The following LRP1B variants were observed in gnomAD, a reference collection of about 807,000 sequenced individuals.
LRP1B encodes low-density lipoprotein receptor-related protein 1B.
LRP1B carries 217 observed loss-of-function variants against 556.6 expected under a neutral mutation model. The ratio of observed to expected loss-of-function variants is 0.39; its 90% confidence interval spans 0.35 to 0.44. LRP1B has a LOEUF of 0.44. Ranked by LOEUF, LRP1B falls within the 20% of genes least tolerant of loss-of-function variation. LRP1B has a pLI of 1.00. For missense variants in LRP1B, 5,053 were observed against 5,620.8 expected (o/e 0.90, Z 3.23); for synonymous variants, 2,047 against 1,865.8 (o/e 1.10, Z -2.50).
intron 7 of LRP1B, among the ~76,000 whole-genome samples, chr2:141,133,176 C>T (rs938819947): frequency 6.6e-5 from 10 of 151,778 alleles, no homozygotes; most frequent in African/African-American, 1.9e-4. Flanking sequence ...GCAAAAAGCT[C>T]GAGACAGAAA....
chr2:141,643,401 C>T (rs1689420406), intron 2 of LRP1B, among the ~76,000 whole-genome samples: 1 of 152,060 alleles, frequency 6.6e-6, no homozygotes, highest in Admixed American at 6.6e-5. Context: ...AGGGAATATA[C>T]ATATTTAAGA....
intron 60 of LRP1B, among the ~76,000 whole-genome samples, chr2:140,467,861 G>A (rs1376109248): frequency 6.6e-6 from 1 of 152,152 alleles, no homozygotes; most frequent in Non-Finnish European, 1.5e-5. Flanking sequence ...AATGCAAGGA[G>A]AGAAAGGAAT....
chr2:140,810,156 A>G lies in LRP1B; in HGVS notation c.5359+3501T>C, dbSNP rs998083689. Among the ~76,000 whole-genome samples, 8 of 152,250 alleles carry G rather than the reference A, an allele frequency of 5.3e-5. No homozygotes were observed. In the South Asian group the frequency reaches 8.3e-4, roughly 16 times the overall value. ...AAACTAAGAGTCTCGAGCGGTTCCA[A>G]TTTATAATCCTTGAGGTTTAAAAAC... On this transcript the variant is annotated intron_variant, in intron 32 of 90. Transcript: ENST00000389484.
chr2:141,180,351 A>T (rs991862297), intron 7 of LRP1B, among the ~76,000 whole-genome samples: 1 of 151,628 alleles, frequency 6.6e-6, no homozygotes, highest in Non-Finnish European at 1.5e-5. Context: ...ACTCCATAAA[A>T]AAAAAAACAA....
At position 140,515,497 on chromosome 2, in the gene LRP1B, A is replaced by C. The variant is rs369303000; in HGVS notation, c.8150-725T>G. On this transcript the variant is annotated intron_variant, in intron 50 of 90. Coordinates refer to ENST00000389484, the MANE Select transcript of LRP1B (RefSeq NM_018557.3). ...TTCTACCCAGTATATTTGTCACTAG[A>C]AAACCTTCAAAAGTAAAATCCTTCT... 1.2e-3 allele frequency among the ~76,000 whole-genome samples: 184 copies of C among 152,160 alleles called. 3 individuals carry two copies. Among genetic ancestry groups the C allele is most frequent in the African/African-American group, 4.3e-3 (179 of 41,560 alleles).
At chr2:141,828,252 TTAA>T (rs1329851599) in intron 1 of LRP1B, among the ~76,000 whole-genome samples, 1 of 152,154 alleles carries the variant, frequency 6.6e-6, no homozygotes, top group Non-Finnish European at 1.5e-5. Context: ...CATTTTTTTA[TTAA>T]TTATGGTAAA....
intron 68 of LRP1B, among the ~76,000 whole-genome samples, chr2:140,375,035 T>C (rs138118944): frequency 0.013 from 2,011 of 152,250 alleles, 45 homozygotes; most frequent in African/African-American, 0.046. Context: ...AAGTCAGTTA[T>C]ACTATAGAAT....
intron 1 of LRP1B, among the ~76,000 whole-genome samples, chr2:141,898,716 G>T (rs1699530227): frequency 6.6e-6 from 1 of 152,090 alleles, no homozygotes; most frequent in Non-Finnish European, 1.5e-5. Context: ...AAAAATGCCA[G>T]CAGGAAGTAA....
chr2:141,488,099 A>G (rs919431619), intron 2 of LRP1B, among the ~76,000 whole-genome samples: 1 of 152,132 alleles, frequency 6.6e-6, no homozygotes, highest in African/African-American at 2.4e-5. Flanking sequence ...TTTTTGGTAC[A>G]GGCCTCATTG....
chr2:141,400,636 C>G (rs541092976), intron 3 of LRP1B, among the ~76,000 whole-genome samples: 1 of 152,138 alleles, frequency 6.6e-6, no homozygotes, highest in African/African-American at 2.4e-5. Flanking sequence ...CCTTCAGACA[C>G]TTCACTTTCT....
chr2:141,077,792 T>A (rs1335706638), intron 7 of LRP1B, among the ~76,000 whole-genome samples: 1 of 152,112 alleles, frequency 6.6e-6, no homozygotes. Context: ...GGCAATTTCT[T>A]AAAAGAAATC....
At chr2:141,884,211 C>CA (rs1241713444) in intron 1 of LRP1B, among the ~76,000 whole-genome samples, 1 of 126,920 alleles carries the variant, frequency 7.9e-6, no homozygotes, top group Non-Finnish European at 1.8e-5. Flanking sequence ...TCTGTCTCTA[C>CA]AAAAAAATAA....
chr2:140,941,359 A>G (rs1350206829), intron 20 of LRP1B, among the ~76,000 whole-genome samples: 3 of 152,302 alleles, frequency 2.0e-5, no homozygotes, highest in African/African-American at 7.2e-5. Context: ...ATCTCTTGAG[A>G]GAAAACACTG....
intron 11 of LRP1B, among the ~76,000 whole-genome samples, chr2:141,032,978 A>C (rs1698421039): frequency 6.6e-6 from 1 of 151,978 alleles, no homozygotes; most frequent in Non-Finnish European, 1.5e-5. Context: ...CAAAAGATGC[A>C]TCACAGCAAG....
intron 1 of LRP1B, among the ~76,000 whole-genome samples, chr2:141,861,617 A>C (rs1263268007): frequency 6.6e-6 from 1 of 152,198 alleles, no homozygotes; most frequent in Admixed American, 6.5e-5. Context: ...ATAAATGTAT[A>C]AACTCTTTCC....
At chr2:140,798,796 G>A (rs183118797) in intron 32 of LRP1B, among the ~76,000 whole-genome samples, 1 of 152,214 alleles carries the variant, frequency 6.6e-6, no homozygotes, top group Non-Finnish European at 1.5e-5. Flanking sequence ...AAATCTCCTG[G>A]AGCTGAGCAT....
chr2:141,880,144 G>A (rs1169039605), intron 1 of LRP1B, among the ~76,000 whole-genome samples: 1 of 151,928 alleles, frequency 6.6e-6, no homozygotes, highest in Non-Finnish European at 1.5e-5. Flanking sequence ...GACACAATGA[G>A]AAGAATATCT....
At chr2:141,200,338 A>G (rs974293030) in intron 6 of LRP1B, among the ~76,000 whole-genome samples, 3 of 152,158 alleles carry the variant, frequency 2.0e-5, no homozygotes, top group Non-Finnish European at 2.9e-5. Context: ...GAATGATGAG[A>G]ACACATGGAC....
intron 1 of LRP1B, among the ~76,000 whole-genome samples, chr2:142,101,537 T>A (rs1434355687): frequency 9.2e-5 from 14 of 152,030 alleles, no homozygotes; most frequent in Non-Finnish European, 1.6e-4. Flanking sequence ...TCTAGATGAC[T>A]CTTACAGTCC....
Sources: gnomAD v4.1 joint callset for allele counts (sites outside exome capture counted in the v4.1 genomes callset) on GRCh38, gnomAD v4.1.1 for gene constraint, MANE v1.5 for transcripts, NCBI Gene and HGNC (gene_info 2026-07-23, HGNC 2026-07-21) for gene names.